SLC9B1: variants seen among roughly 807,000 people sequenced by gnomAD.
The protein encoded by SLC9B1 is sodium/hydrogen exchanger 9B1.
SLC9B1 carries 32 observed loss-of-function variants against 51.7 expected under a neutral mutation model. That is an observed-to-expected ratio of 0.62 (90% confidence interval 0.47 to 0.83). SLC9B1 has a LOEUF of 0.83. SLC9B1 is among the 40% of genes least tolerant of loss of function. The probability of loss-of-function intolerance (pLI) is 0.00; values close to 1 mark genes in which losing one functional copy is unlikely to be tolerated. For missense variants in SLC9B1, 406 were observed against 613.2 expected, an observed-to-expected ratio of 0.66 and a Z score of 3.57; for synonymous variants, 145 against 212.7, an observed-to-expected ratio of 0.68 and a Z score of 2.77.
chr4:102,984,842 C>T (rs1340284907), intron 3 of SLC9B1, among the ~76,000 whole-genome samples: 1 of 152,018 alleles, frequency 6.6e-6, no homozygotes, highest in Non-Finnish European at 1.5e-5. Context: ...ATAGTTTTGC[C>T]AGTTTTTAAC....
intron 7 of SLC9B1, among the ~76,000 whole-genome samples, chr4:102,928,837 G>A (rs1269411523): frequency 1.3e-5 from 2 of 152,098 alleles, no homozygotes; most frequent in Admixed American, 1.3e-4. Flanking sequence ...GAAGGCCTGA[G>A]AGTCCCTGGA....
chr4:103,011,403 T>C (rs909208726), intron 1 of SLC9B1, among the ~76,000 whole-genome samples: 1 of 152,130 alleles, frequency 6.6e-6, no homozygotes, highest in African/African-American at 2.4e-5. Flanking sequence ...TGGCATCACA[T>C]GCCTGTCGCT....
intron 6 of SLC9B1, among the ~76,000 whole-genome samples, chr4:102,940,944 C>T (rs1471608568): frequency 6.6e-6 from 1 of 152,132 alleles, no homozygotes; most frequent in Non-Finnish European, 1.5e-5. Flanking sequence ...AAACTGGACT[C>T]CATACGTTTC....
At chr4:102,945,972 T>G (rs1737246406) in intron 5 of SLC9B1, among the ~76,000 whole-genome samples, 1 of 152,058 alleles carries the variant, frequency 6.6e-6, no homozygotes, top group Non-Finnish European at 1.5e-5. Context: ...GATTTTACAA[T>G]AATGCAAAGA....
chr4:102,919,044 C>A (rs1325560046), intron 7 of SLC9B1, among the ~76,000 whole-genome samples: 1 of 152,220 alleles, frequency 6.6e-6, no homozygotes, highest in Non-Finnish European at 1.5e-5. Flanking sequence ...CAAGACTGCA[C>A]AGAGCAGCAA....
chr4:102,988,399 T>C (rs954429115), intron 3 of SLC9B1, among the ~76,000 whole-genome samples: 1 of 152,180 alleles, frequency 6.6e-6, no homozygotes, highest in Non-Finnish European at 1.5e-5. Context: ...ACATGTGGTA[T>C]TGGTGAATTA....
intron 2 of SLC9B1, among the ~76,000 whole-genome samples, chr4:102,990,462 A>C (rs952002015): frequency 2.0e-5 from 3 of 152,214 alleles, no homozygotes; most frequent in East Asian, 1.9e-4. Context: ...GGTATACCTT[A>C]ATCTCCCAGG....
intron 3 of SLC9B1, among the ~76,000 whole-genome samples, chr4:102,969,390 A>C (rs1738622021): frequency 6.6e-6 from 1 of 152,244 alleles, no homozygotes; most frequent in South Asian, 2.1e-4. Flanking sequence ...ACAGACCTGC[A>C]GCTGAGGGTA....
At chr4:102,976,090 A>G (rs1244373052) in intron 3 of SLC9B1, among the ~76,000 whole-genome samples, 1 of 152,056 alleles carries the variant, frequency 6.6e-6, no homozygotes, top group Non-Finnish European at 1.5e-5. Context: ...TCAGAATTAG[A>G]AAAAAAAGAC....
In SLC9B1 at chr4:102,912,444, T is replaced by G. The variant is rs192155970; in HGVS notation, c.830-907A>C. Among the ~76,000 whole-genome samples, 16 of 152,222 alleles carry G rather than the reference T, an allele frequency of 1.1e-4. No individual in the cohort carries two copies. The East Asian group carries it at 2.7e-3, about 26-fold the overall frequency. On this transcript the variant is annotated intron_variant, in intron 7 of 11. Coordinates refer to ENST00000296422, the MANE Select transcript of SLC9B1 (RefSeq NM_139173.4). ...CAGTATATTTTATATTCATTAATATTAATATATCCATACTTGTAGTTCATT... is the reference window on the plus strand; with the variant it reads ...CAGTATATTTTATATTCATTAATATGAATATATCCATACTTGTAGTTCATT...
At chr4:103,016,988 T>C (rs376165399) in intron 1 of SLC9B1, 1 of 152,126 alleles carries the variant, frequency 6.6e-6, no homozygotes, top group East Asian at 1.9e-4. Context: ...TGATTTCTAA[T>C]AAGAATGTAA....
intron 1 of SLC9B1, among the ~76,000 whole-genome samples, chr4:102,996,674 G>A (rs944458918): frequency 6.6e-6 from 1 of 152,064 alleles, no homozygotes; most frequent in African/African-American, 2.4e-5. Flanking sequence ...ACATTGTATT[G>A]CAATGCCACT....
At chr4:102,995,498 G>T (rs1268643478) in intron 1 of SLC9B1, among the ~76,000 whole-genome samples, 1 of 152,002 alleles carries the variant, frequency 6.6e-6, no homozygotes, top group African/African-American at 2.4e-5. Context: ...AGGATAGCAG[G>T]GCTTGGAACC....
chr4:102,931,225 C>CAAA (rs34843459), intron 7 of SLC9B1, among the ~76,000 whole-genome samples: 3 of 122,592 alleles, frequency 2.4e-5, no homozygotes, highest in Admixed American at 1.7e-4. Context: ...GACTCCGCCT[C>CAAA]AAAAAAAAAA....
rs545863501 is a variant in SLC9B1 at position 102,885,063 on chromosome 4, C to A, written c.*170G>T. 1.2e-5 allele frequency: 8 copies of A among 676,968 alleles called. No individual in the cohort carries two copies. The African/African-American group carries it at 1.4e-4, about 12-fold the overall frequency. 41.9% of individuals were successfully genotyped at this position (676,968 alleles called of 1,614,324 possible). On this transcript the variant is annotated 3_prime_UTR_variant, in exon 12 of 12. Transcript: ENST00000394789. ...GTAAGGTGGTCTTTGGTAGAGCTGG[C>A]TTTATTGTGTTATTTATTCACAGTT...
intron 3 of SLC9B1, among the ~76,000 whole-genome samples, chr4:102,963,566 A>G (rs998978531): frequency 6.6e-6 from 1 of 152,180 alleles, no homozygotes; most frequent in African/African-American, 2.4e-5. Flanking sequence ...ATGCTTCCCC[A>G]GTTTCCCTCC....
intron 11 of SLC9B1, chr4:102,885,572 G>C (rs996681887): frequency 4.3e-6 from 3 of 702,520 alleles, no homozygotes; most frequent in Admixed American, 4.6e-5. Context: ...CTAAATTGAA[G>C]TTTTCATGTC....
exon 12 of SLC9B1, chr4:102,885,263 C>T (rs781626534): frequency 6.2e-7 from 1 of 1,614,126 alleles, no homozygotes; most frequent in Admixed American, 1.7e-5. Context: ...ACTCGCACTT[C>T]TTGGCTACCT....
downstream of SLC9B1, chr4:102,897,087 T>C (rs897357634): frequency 1.3e-5 from 2 of 154,550 alleles, no homozygotes; most frequent in African/African-American, 4.8e-5. Context: ...GCAGATGAGA[T>C]GAACAGAAAG....
Sources: allele counts gnomAD v4.1 joint callset (sites outside exome capture counted in the v4.1 genomes callset), GRCh38; gene constraint gnomAD v4.1.1; transcripts MANE v1.5; gene names NCBI Gene and HGNC (gene_info 2026-07-23, HGNC 2026-07-21).